Variants in SFMBT1 observed in about 807,000 individuals in gnomAD.
SFMBT1 encodes the protein Scm like with four mbt domains 1, also known as scm-like with four MBT domains protein 1.
A neutral mutation model predicts 108.7 loss-of-function variants in SFMBT1; 32 were observed. That is an observed-to-expected ratio of 0.29 (90% confidence interval 0.22 to 0.40). SFMBT1 has a LOEUF of 0.40. Ranked by LOEUF, SFMBT1 falls within the 10% of genes least tolerant of loss-of-function variation. SFMBT1 has a pLI of 1.00. For synonymous variants in SFMBT1, 348 were observed against 369.5 expected (o/e 0.94, Z 0.67); for missense variants, 816 against 1,059.6 (o/e 0.77, Z 3.19).
intron 5 of SFMBT1, among the ~76,000 whole-genome samples, chr3:52,933,761 G>A (rs1392261399): frequency 6.6e-6 from 1 of 152,136 alleles, no homozygotes; most frequent in Admixed American, 6.5e-5. Context: ...ATGGATGACA[G>A]AAGTAAATGT....
At chr3:52,917,368 G>A (rs1021469613) in intron 13 of SFMBT1, among the ~76,000 whole-genome samples, 1 of 152,032 alleles carries the variant, frequency 6.6e-6, no homozygotes, top group African/African-American at 2.4e-5. Context: ...CAATAGCATT[G>A]ATAGCCTTAC....
chr3:52,963,063 G>A (rs1394998420), intron 2 of SFMBT1, among the ~76,000 whole-genome samples: 2 of 150,646 alleles, frequency 1.3e-5, no homozygotes, highest in African/African-American at 2.4e-5. Flanking sequence ...GTGCGATCTC[G>A]GCTCACTGCA....
rs1380484294 is a variant in SFMBT1 at position 52,928,321 on chromosome 3, A to G, written c.918T>C (p.Phe306=). 3 of 1,613,950 alleles carry G rather than the reference A, an allele frequency of 1.9e-6. No homozygotes were observed. Among genetic ancestry groups the G allele is most frequent in the South Asian group, 2.2e-5 (2 of 91,076 alleles). The change falls in exon 9 of 21, where the codon TTT becomes TTC. Residue 306 remains phenylalanine, a synonymous_variant. Transcript: ENST00000394752. ...TVVKVFDEKY[F]LVEMDDLRPE... Reference sequence around the variant, plus strand: ...GACGCAAGTCATCCATTTCCACCAGAAAGTACTTCTCATCAAAAACCTATA... The same window carrying G: ...GACGCAAGTCATCCATTTCCACCAGGAAGTACTTCTCATCAAAAACCTATA...
At chr3:52,924,514 C>T (rs911889556) in intron 10 of SFMBT1, among the ~76,000 whole-genome samples, 8 of 151,984 alleles carry the variant, frequency 5.3e-5, no homozygotes, top group South Asian at 2.1e-4. Flanking sequence ...TGGTGGCGGG[C>T]GCCTATAATT....
intron 1 of SFMBT1, among the ~76,000 whole-genome samples, chr3:52,983,207 G>A (rs547457730): frequency 1.3e-5 from 2 of 152,278 alleles, no homozygotes; most frequent in East Asian, 3.9e-4. Context: ...ACGTGAAGAT[G>A]ACAAGGATGA....
intron 1 of SFMBT1, among the ~76,000 whole-genome samples, chr3:52,975,381 G>A (rs940853579): frequency 3.3e-5 from 5 of 151,898 alleles, no homozygotes; most frequent in African/African-American, 1.2e-4. Context: ...TATTTGACTT[G>A]ATAAGATAAT....
At chr3:52,949,892 C>G (rs939199245) in intron 3 of SFMBT1, among the ~76,000 whole-genome samples, 1 of 152,104 alleles carries the variant, frequency 6.6e-6, no homozygotes, top group Non-Finnish European at 1.5e-5. Context: ...TTGAAGTCAG[C>G]TCTGTCTGAC....
chr3:52,914,495 C>A (rs866501098), intron 14 of SFMBT1, among the ~76,000 whole-genome samples: 1 of 152,006 alleles, frequency 6.6e-6, no homozygotes, highest in Non-Finnish European at 1.5e-5. Context: ...GGGAGGCCAA[C>A]GGGGGAGCAC....
chr3:52,914,284 T>TA (rs1394304652), intron 14 of SFMBT1, among the ~76,000 whole-genome samples: 2 of 152,190 alleles, frequency 1.3e-5, no homozygotes, highest in Non-Finnish European at 2.9e-5. Context: ...CTGTTGAATG[T>TA]AAAAAATTCA....
At chr3:52,941,001 T>C (rs889800403) in intron 4 of SFMBT1, among the ~76,000 whole-genome samples, 2 of 152,186 alleles carry the variant, frequency 1.3e-5, no homozygotes, top group African/African-American at 2.4e-5. Flanking sequence ...ATGACTGGCC[T>C]GTACTCTTCA....
intron 3 of SFMBT1, among the ~76,000 whole-genome samples, chr3:52,952,091 G>A (rs1703614423): frequency 6.6e-6 from 1 of 152,212 alleles, no homozygotes; most frequent in Non-Finnish European, 1.5e-5. Context: ...GTGCATGGTG[G>A]CTCACGCCTG....
chr3:52,959,616 T>C lies in SFMBT1; in HGVS notation c.29-5205A>G, dbSNP rs557619048. 4.6e-5 allele frequency among the ~76,000 whole-genome samples: 7 copies of C among 152,350 alleles called. No homozygotes were observed. In the South Asian group the frequency reaches 1.5e-3, roughly 32 times the overall value. On this transcript the variant is annotated intron_variant, in intron 2 of 20. Coordinates refer to ENST00000394752, the MANE Select transcript of SFMBT1 (RefSeq NM_016329.4). ...TCATGCTCCATTTCATTCAAGTCTCTACTCAAATGTTCGTCTTCAGAAAGG... is the reference window on the plus strand; with the variant it reads ...TCATGCTCCATTTCATTCAAGTCTCCACTCAAATGTTCGTCTTCAGAAAGG...
intron 1 of SFMBT1, among the ~76,000 whole-genome samples, chr3:52,990,194 A>G (rs1410346586): frequency 6.6e-6 from 1 of 152,214 alleles, no homozygotes; most frequent in Non-Finnish European, 1.5e-5. Context: ...CTCAAAGCAT[A>G]CACCCGAAGT....
chr3:52,904,775 G>A lies in SFMBT1; in HGVS notation c.*361C>T, dbSNP rs1183513420. 1 of 183,248 alleles carries A rather than the reference G, an allele frequency of 5.5e-6. No individual in the cohort carries two copies. The highest frequency in any genetic ancestry group is 1.1e-5 in the Non-Finnish European group (1 of 88,578). The allele number at this position is 183,248 out of a possible 1,614,324, so 11.4% of individuals were successfully genotyped here. ...GAACAAAGTTCAATCTACAATGGGA[G>A]GGAACAGAATGAAAACAACCAAAAG... On this transcript the variant is annotated 3_prime_UTR_variant, in exon 21 of 21. Coordinates refer to ENST00000394752, the MANE Select transcript of SFMBT1 (RefSeq NM_016329.4).
In SFMBT1 at chr3:52,912,531, C is replaced by T. The variant is rs747719116; in HGVS notation, c.1730+7G>A. The T allele has an allele frequency of 1.1e-5, 17 of 1,608,984 alleles. 1 individual carries two copies. The South Asian group carries it at 1.9e-4, about 18-fold the overall frequency. ...AAGTAAAGAGTAAAAACAAGTAGTC[C>T]ACTCACTTGGCTTTTAGGACTTCCC... is the stretch of plus-strand genomic sequence containing the variant. On this transcript the variant is annotated splice_region_variant and intron_variant, in intron 16 of 20. Coordinates refer to ENST00000394752, the MANE Select transcript of SFMBT1 (RefSeq NM_016329.4).
chr3:52,954,541 TG>T lies in SFMBT1; in HGVS notation c.29-131del. The T allele has an allele frequency of 9.8e-6, 7 of 717,892 alleles. No homozygotes were observed. In the South Asian group the frequency reaches 1.3e-4, roughly 13 times the overall value. 44.5% of individuals were successfully genotyped at this position (717,892 alleles called of 1,614,324 possible). On this transcript the variant is annotated intron_variant, in intron 2 of 20. Coordinates refer to ENST00000394752, the MANE Select transcript of SFMBT1 (RefSeq NM_016329.4). Reference sequence around the variant, plus strand: ...ACTGATTTTGCACAAAAGAATTAAGTGGGGTTTTGTTTTGTTTTGTTTTTGT... The same window carrying T: ...ACTGATTTTGCACAAAAGAATTAAGTGGGTTTTGTTTTGTTTTGTTTTTGT...
At chr3:53,042,623 G>C (rs764424041) in intron 1 of SFMBT1, among the ~76,000 whole-genome samples, 1 of 152,168 alleles carries the variant, frequency 6.6e-6, no homozygotes, top group African/African-American at 2.4e-5. Flanking sequence ...GATTATAGGC[G>C]TGAGCCACTG....
chr3:52,912,101 A>G (rs1702230025), intron 16 of SFMBT1, among the ~76,000 whole-genome samples: 1 of 152,240 alleles, frequency 6.6e-6, no homozygotes, highest in Non-Finnish European at 1.5e-5. Flanking sequence ...CTGGGCCTTC[A>G]CCACAAATAG....
At chr3:52,988,546 C>T (rs1705009616) in intron 1 of SFMBT1, among the ~76,000 whole-genome samples, 1 of 151,954 alleles carries the variant, frequency 6.6e-6, no homozygotes, top group African/African-American at 2.4e-5. Flanking sequence ...ACCTAAGAGG[C>T]ATGCTGAACA....
Sources: gnomAD v4.1 joint callset for allele counts (sites outside exome capture counted in the v4.1 genomes callset) on GRCh38, gnomAD v4.1.1 for gene constraint, MANE v1.5 for transcripts, NCBI Gene and HGNC (gene_info 2026-07-23, HGNC 2026-07-21) for gene names.